Variants in EDIL3 observed in about 807,000 individuals in gnomAD.
EDIL3 encodes the protein EGF-like repeat and discoidin I-like domain-containing protein 3.
In EDIL3, 37 loss-of-function variants were observed where a neutral mutation model predicts 67.4. The observed-to-expected ratio is 0.55, with a 90% CI of 0.42 to 0.72. The LOEUF is 0.72. Among genes scored for constraint, EDIL3 ranks in the 30% least tolerant of loss-of-function variants. The probability of loss-of-function intolerance (pLI) is 0.00; values close to 1 mark genes in which losing one functional copy is unlikely to be tolerated. For synonymous variants in EDIL3, 195 were observed against 196.3 expected (o/e 0.99, Z 0.05); for missense variants, 527 against 586.3 (o/e 0.90, Z 1.04).
chr5:84,078,663 G>A (rs753991887), intron 6 of EDIL3: 6 of 152,170 alleles, frequency 3.9e-5, no homozygotes, highest in Non-Finnish European at 8.8e-5. Flanking sequence ...TTGAAATAGG[G>A]AGGTGAAGTC....
At chr5:83,996,849 A>G (rs1745246524) in intron 9 of EDIL3, among the ~76,000 whole-genome samples, 1 of 152,224 alleles carries the variant, frequency 6.6e-6, no homozygotes, top group African/African-American at 2.4e-5. Flanking sequence ...ACTGATATAA[A>G]TACAGAATAT....
At chr5:84,211,767 C>T (rs1744124190) in intron 3 of EDIL3, among the ~76,000 whole-genome samples, 1 of 152,168 alleles carries the variant, frequency 6.6e-6, no homozygotes, top group Non-Finnish European at 1.5e-5. Flanking sequence ...GACTTCTAGC[C>T]TCCAGAACTG....
At chr5:84,262,832 A>G (rs1056950963) in intron 1 of EDIL3, among the ~76,000 whole-genome samples, 2 of 151,470 alleles carry the variant, frequency 1.3e-5, no homozygotes, top group Non-Finnish European at 2.9e-5. Context: ...CTTTATGCTC[A>G]GCTAATTTTT....
At chr5:84,013,965 G>A (rs1745557820) in intron 9 of EDIL3, among the ~76,000 whole-genome samples, 1 of 151,956 alleles carries the variant, frequency 6.6e-6, no homozygotes, top group Non-Finnish European at 1.5e-5. Flanking sequence ...ATTTTTAATG[G>A]GACATGGTGC....
At position 84,215,488 on chromosome 5, in the gene EDIL3, G is replaced by A. The variant is rs531407059; in HGVS notation, c.226+14367C>T. Among the ~76,000 whole-genome samples, 8 of 152,246 alleles carry A rather than the reference G, an allele frequency of 5.3e-5. No individual in the cohort carries two copies. The East Asian group carries it at 9.7e-4, about 18-fold the overall frequency. On this transcript the variant is annotated intron_variant, in intron 3 of 10. Coordinates refer to ENST00000296591, the MANE Select transcript of EDIL3 (RefSeq NM_005711.5). ...AGGATGGTCTCGATCTCCTGACCTC[G>A]TGATCCGCCCTCCTGGGCCTCCCAA...
chr5:84,036,494 A>G (rs1746024329), intron 9 of EDIL3, among the ~76,000 whole-genome samples: 2 of 152,210 alleles, frequency 1.3e-5, no homozygotes, highest in Admixed American at 1.3e-4. Context: ...AGTTAGTGAC[A>G]AAGTTGAACC....
chr5:83,998,770 G>C (rs570154220), intron 9 of EDIL3, among the ~76,000 whole-genome samples: 1 of 152,292 alleles, frequency 6.6e-6, no homozygotes, highest in South Asian at 2.1e-4. Flanking sequence ...AGAGCCCTTG[G>C]TCCTTGAATA....
chr5:84,329,695 C>A (rs74608466), intron 1 of EDIL3, among the ~76,000 whole-genome samples: 2,392 of 152,088 alleles, frequency 0.016, 70 homozygotes, highest in African/African-American at 0.055. Flanking sequence ...TTAGCAATTT[C>A]TTTAAGTAAA....
At chr5:84,216,626 G>A (rs1276497565) in intron 3 of EDIL3, among the ~76,000 whole-genome samples, 1 of 152,060 alleles carries the variant, frequency 6.6e-6, no homozygotes, top group Non-Finnish European at 1.5e-5. Context: ...TTTAAATTAT[G>A]TATATGCAGC....
At chr5:84,366,205 A>G (rs2112206665) in intron 1 of EDIL3, among the ~76,000 whole-genome samples, 1 of 152,338 alleles carries the variant, frequency 6.6e-6, no homozygotes, top group South Asian at 2.1e-4. Context: ...TGTACCAAGT[A>G]TTGTGCTACA....
intron 1 of EDIL3, among the ~76,000 whole-genome samples, chr5:84,312,502 G>A (rs1746424609): frequency 7.1e-6 from 1 of 141,210 alleles, no homozygotes; most frequent in Non-Finnish European, 1.5e-5. Context: ...GGCTGGCCGG[G>A]CAGGGGGCTG....
chr5:84,204,804 T>TA (rs11322668), intron 3 of EDIL3, among the ~76,000 whole-genome samples: 2,442 of 138,356 alleles, frequency 0.018, 70 homozygotes, highest in African/African-American at 0.058. Flanking sequence ...GGCCAATATT[T>TA]AAAAAAAAAA....
chr5:83,988,276 C>T (rs1202517920), intron 9 of EDIL3, among the ~76,000 whole-genome samples: 1 of 152,114 alleles, frequency 6.6e-6, no homozygotes, highest in Admixed American at 6.6e-5. Context: ...TCTACTGACA[C>T]ATAAAAGAAA....
chr5:84,070,388 G>A (rs1746715718), intron 6 of EDIL3, among the ~76,000 whole-genome samples: 1 of 152,158 alleles, frequency 6.6e-6, no homozygotes, highest in Non-Finnish European at 1.5e-5. Flanking sequence ...AGCTGCTGTG[G>A]GGTCAGAGCC....
At chr5:84,271,056 T>C (rs912936914) in intron 1 of EDIL3, among the ~76,000 whole-genome samples, 3 of 152,228 alleles carry the variant, frequency 2.0e-5, no homozygotes, top group African/African-American at 7.2e-5. Context: ...TTAAATTTTA[T>C]CTAAATATTT....
intron 3 of EDIL3, among the ~76,000 whole-genome samples, chr5:84,221,464 T>C (rs572457330): frequency 4.6e-5 from 7 of 152,184 alleles, no homozygotes; most frequent in South Asian, 2.1e-4. Flanking sequence ...AGTAAAAATA[T>C]GAAAAAACAC....
intron 5 of EDIL3, among the ~76,000 whole-genome samples, chr5:84,127,071 A>G (rs1158817922): frequency 2.0e-5 from 3 of 152,078 alleles, no homozygotes; most frequent in African/African-American, 7.2e-5. Flanking sequence ...ACCACCACAA[A>G]TATCTCTGGA....
intron 1 of EDIL3, among the ~76,000 whole-genome samples, chr5:84,303,551 C>T (rs187574290): frequency 2.9e-4 from 44 of 152,252 alleles, no homozygotes; most frequent in African/African-American, 8.2e-4. Context: ...TCTGATTTCA[C>T]GCGTACTAGT....
intron 8 of EDIL3, among the ~76,000 whole-genome samples, chr5:84,061,588 C>T (rs1425327646): frequency 6.6e-6 from 1 of 152,090 alleles, no homozygotes; most frequent in Non-Finnish European, 1.5e-5. Flanking sequence ...CTCCCATTTC[C>T]CAGCTGTGTA....
Sources: gnomAD v4.1 joint callset for allele counts (sites outside exome capture counted in the v4.1 genomes callset) on GRCh38, gnomAD v4.1.1 for gene constraint, MANE v1.5 for transcripts, NCBI Gene and HGNC (gene_info 2026-07-23, HGNC 2026-07-21) for gene names.